The following MACROD2 variants were observed in gnomAD, a reference collection of about 807,000 sequenced individuals.
MACROD2 encodes the protein ADP-ribose glycohydrolase MACROD2.
MACROD2 carries 36 observed loss-of-function variants against 70.4 expected under a neutral mutation model. That is an observed-to-expected ratio of 0.51 (90% CI 0.39 to 0.68). MACROD2 has a LOEUF of 0.68. Among genes scored for constraint, MACROD2 ranks in the 30% least tolerant of loss-of-function variants. MACROD2 has a pLI of 0.00. For synonymous variants in MACROD2, 172 were observed against 178.8 expected (o/e 0.96, Z 0.30); for missense variants, 496 against 538.4 (o/e 0.92, Z 0.78).
intron 5 of MACROD2, among the ~76,000 whole-genome samples, chr20:15,042,858 A>G (rs1383191945): frequency 6.6e-6 from 1 of 152,234 alleles, no homozygotes; most frequent in African/African-American, 2.4e-5. Flanking sequence ...ATGAGGGAAT[A>G]TAGATGAGTA....
chr20:14,069,948 A>T (rs2053816643), intron 2 of MACROD2, among the ~76,000 whole-genome samples: 1 of 152,046 alleles, frequency 6.6e-6, no homozygotes, highest in Non-Finnish European at 1.5e-5. Context: ...CACGTGAAGC[A>T]GAGACAGACC....
At chr20:15,663,226 A>G (rs933728127) in intron 8 of MACROD2, among the ~76,000 whole-genome samples, 4 of 139,636 alleles carry the variant, frequency 2.9e-5, no homozygotes, top group African/African-American at 1.1e-4. Flanking sequence ...GAGAAGTCAG[A>G]ATTTGATTTT....
At chr20:14,786,187 G>A (rs1196689868) in intron 5 of MACROD2, among the ~76,000 whole-genome samples, 1 of 118,838 alleles carries the variant, frequency 8.4e-6, no homozygotes, top group South Asian at 2.5e-4. Context: ...ATAGTGTTTG[G>A]TTCACTCAGA....
intron 16 of MACROD2, among the ~76,000 whole-genome samples, chr20:16,043,584 T>C (rs1039233647): frequency 5.3e-5 from 8 of 152,132 alleles, no homozygotes; most frequent in African/African-American, 1.7e-4. Context: ...GCAGTAATCA[T>C]GCATTCTATT....
intron 8 of MACROD2, among the ~76,000 whole-genome samples, chr20:15,643,363 TATC>T (rs2049491513): frequency 6.6e-6 from 1 of 152,240 alleles, no homozygotes; most frequent in African/African-American, 2.4e-5. Flanking sequence ...ACTCATTTCT[TATC>T]ATTCTGATGT....
chr20:15,358,083 C>T (rs1350522680), intron 6 of MACROD2, among the ~76,000 whole-genome samples: 2 of 152,202 alleles, frequency 1.3e-5, no homozygotes, highest in East Asian at 1.9e-4. Flanking sequence ...GCTGGGATTA[C>T]AGGGGTGAGC....
intron 4 of MACROD2, among the ~76,000 whole-genome samples, chr20:14,646,879 C>T (rs1040938094): frequency 6.6e-6 from 1 of 152,010 alleles, no homozygotes; most frequent in East Asian, 1.9e-4. Flanking sequence ...GCAGCAATTA[C>T]GTGTGTGTTT....
At chr20:15,793,656 A>T (rs1265247040) in intron 8 of MACROD2, among the ~76,000 whole-genome samples, 1 of 151,612 alleles carries the variant, frequency 6.6e-6, no homozygotes, top group African/African-American at 2.4e-5. Flanking sequence ...TTAAGAATAG[A>T]CTTAGTGAAA....
intron 3 of MACROD2, among the ~76,000 whole-genome samples, chr20:14,129,688 A>G (rs1163882712): frequency 6.6e-6 from 1 of 152,218 alleles, no homozygotes; most frequent in East Asian, 1.9e-4. Flanking sequence ...GTCTTATTTA[A>G]GAGATTACCA....
intron 3 of MACROD2, among the ~76,000 whole-genome samples, chr20:14,302,665 GT>G (rs555710017): frequency 0.016 from 2,287 of 146,066 alleles, 22 homozygotes; most frequent in African/African-American, 0.028. Flanking sequence ...TTTTGTTGTT[GT>G]TTTTTTTTTA....
intron 2 of MACROD2, among the ~76,000 whole-genome samples, chr20:14,071,728 T>C (rs947321003): frequency 6.6e-6 from 1 of 152,184 alleles, no homozygotes; most frequent in Non-Finnish European, 1.5e-5. Flanking sequence ...ATGTGGCTTA[T>C]TGATGCCTAA....
At chr20:15,146,846 C>A (rs1372195311) in intron 5 of MACROD2, among the ~76,000 whole-genome samples, 7 of 152,090 alleles carry the variant, frequency 4.6e-5, no homozygotes, top group African/African-American at 1.7e-4. Context: ...TTTGAGAAGA[C>A]AAGCAAAAAG....
At chr20:14,954,574 T>C (rs1025780562) in intron 5 of MACROD2, among the ~76,000 whole-genome samples, 2 of 136,236 alleles carry the variant, frequency 1.5e-5, no homozygotes, top group African/African-American at 5.4e-5. Context: ...TATATAAATG[T>C]ATAAATTATA....
chr20:14,049,070 C>G (rs1057458315), intron 2 of MACROD2, among the ~76,000 whole-genome samples: 3 of 150,852 alleles, frequency 2.0e-5, no homozygotes, highest in Non-Finnish European at 4.4e-5. Context: ...AAAATACAGG[C>G]TGAAATACGT....
chr20:14,261,615 T>C (rs1237658375), intron 3 of MACROD2, among the ~76,000 whole-genome samples: 2 of 152,214 alleles, frequency 1.3e-5, no homozygotes, highest in South Asian at 4.1e-4. Context: ...CCAGCCATAG[T>C]TTATCTCACC....
chr20:15,343,227 G>C (rs1194854463), intron 6 of MACROD2, among the ~76,000 whole-genome samples: 1 of 152,190 alleles, frequency 6.6e-6, no homozygotes, highest in African/African-American at 2.4e-5. Flanking sequence ...ACGTGCTCTT[G>C]TTACAACATT....
chr20:15,341,559 T>C (rs887430090), intron 6 of MACROD2, among the ~76,000 whole-genome samples: 4 of 152,210 alleles, frequency 2.6e-5, no homozygotes, highest in Non-Finnish European at 5.9e-5. Context: ...ATTCAAATAA[T>C]GGTTTTGACA....
At chr20:15,161,893 C>T (rs2076350726) in intron 5 of MACROD2, among the ~76,000 whole-genome samples, 2 of 152,000 alleles carry the variant, frequency 1.3e-5, no homozygotes, top group South Asian at 2.1e-4. Context: ...TTGAATTTAT[C>T]TCTCCCTGCA....
chr20:14,684,648 ACCCC>A (rs11467642), intron 4 of MACROD2, among the ~76,000 whole-genome samples, 191 bp from the exon 5 acceptor site: 40 of 134,958 alleles, frequency 3.0e-4, no homozygotes, highest in African/African-American at 9.6e-4. Flanking sequence ...ACATAACCTC[ACCCC>A]CCCCCCCCGG....
Sources: gnomAD v4.1 joint callset for allele counts (sites outside exome capture counted in the v4.1 genomes callset) on GRCh38, gnomAD v4.1.1 for gene constraint, MANE v1.5 for transcripts, NCBI Gene and HGNC (gene_info 2026-07-23, HGNC 2026-07-21) for gene names.